Variants in PIK3C2G observed in about 807,000 individuals in gnomAD.
The protein encoded by PIK3C2G is phosphatidylinositol 3-kinase C2 domain-containing subunit gamma.
PIK3C2G carries 168 observed loss-of-function variants against 181.1 expected under a neutral mutation model. The observed-to-expected ratio is 0.93, with a 90% CI of 0.82 to 1.05. The LOEUF (loss-of-function observed/expected upper bound fraction) is 1.05, where lower values mean the gene tolerates loss of function less well. Ranked by LOEUF, PIK3C2G falls within the 50% of genes least tolerant of loss-of-function variation. The probability of loss-of-function intolerance (pLI) is 0.00; values close to 1 mark genes in which losing one functional copy is unlikely to be tolerated. For synonymous variants in PIK3C2G, 573 were observed against 592.2 expected (o/e 0.97, Z 0.47); for missense variants, 1,869 against 1,732.8 (o/e 1.08, Z -1.40).
chr12:18,688,122 T>A, the PIK3C2G span: 1 of 1,611,712 alleles, frequency 6.2e-7, no homozygotes, highest in Non-Finnish European at 8.5e-7. Context: ...TGCTGCTTCA[T>A]TTGATCATTT....
In PIK3C2G at chr12:18,398,290, T is replaced by A. The variant is rs796821900; in HGVS notation, c.2127-1369T>A. 7.2e-5 allele frequency among the ~76,000 whole-genome samples: 11 copies of A among 152,244 alleles called. No individual in the cohort carries two copies. In the East Asian group the frequency reaches 9.6e-4, roughly 13 times the overall value. ...CATTGTTCAGTATTGGGGAAAAAAA[T>A]TTAATCTGAGCAAATATGTTTTAGT... On this transcript the variant is annotated intron_variant, in intron 15 of 32. Coordinates refer to ENST00000538779, the MANE Select transcript of PIK3C2G (RefSeq NM_001288772.2).
At chr12:18,723,179 AT>A in the PIK3C2G span, 1 of 738,614 alleles carries the variant, frequency 1.4e-6, no homozygotes, top group Admixed American at 2.6e-5. Flanking sequence ...TCTCAAAGAT[AT>A]TTGACCCATC....
intron 31 of PIK3C2G, among the ~76,000 whole-genome samples, chr12:18,623,378 T>A (rs770819456): frequency 2.6e-5 from 4 of 151,864 alleles, no homozygotes; most frequent in Non-Finnish European, 4.4e-5. Flanking sequence ...GGCTCTCTAA[T>A]CTGTTCCATT....
At chr12:18,389,362 A>G (rs940728366) in intron 14 of PIK3C2G, among the ~76,000 whole-genome samples, 1 of 151,980 alleles carries the variant, frequency 6.6e-6, no homozygotes, top group Non-Finnish European at 1.5e-5. Context: ...CAAAAAAAAA[A>G]AAAAGAAATT....
At chr12:18,381,609 C>G (rs1226563360) in intron 13 of PIK3C2G, among the ~76,000 whole-genome samples, 157 bp from the exon 14 acceptor site, 1 of 152,194 alleles carries the variant, frequency 6.6e-6, no homozygotes, top group African/African-American at 2.4e-5. Flanking sequence ...TAATCAGTGT[C>G]TAGGCTGGTG....
chr12:18,429,186 G>A (rs1946011046), intron 18 of PIK3C2G, among the ~76,000 whole-genome samples: 1 of 152,084 alleles, frequency 6.6e-6, no homozygotes, highest in African/African-American at 2.4e-5. Flanking sequence ...ACAGAGAGAA[G>A]GTCATGAAAA....
chr12:18,626,020 G>A (rs1949081798), intron 31 of PIK3C2G, among the ~76,000 whole-genome samples: 1 of 151,762 alleles, frequency 6.6e-6, no homozygotes, highest in African/African-American at 2.4e-5. Context: ...TACATTCAAA[G>A]TAAGTATTGA....
chr12:18,615,728 A>G (rs934691854), intron 31 of PIK3C2G, among the ~76,000 whole-genome samples: 5 of 151,946 alleles, frequency 3.3e-5, no homozygotes, highest in African/African-American at 1.2e-4. Flanking sequence ...AATCCTATTC[A>G]ACAGTCTCCA....
chr12:18,701,279 T>A, the PIK3C2G span, among the ~76,000 whole-genome samples: 1 of 152,012 alleles, frequency 6.6e-6, no homozygotes, highest in East Asian at 1.9e-4. Flanking sequence ...GCCACCGTGC[T>A]CAGCCTAGAG....
At chr12:18,713,653 T>G in the PIK3C2G span, 1 of 152,240 alleles carries the variant, frequency 6.6e-6, no homozygotes. Context: ...AAAATCAAGG[T>G]TTATGCAAAG....
chr12:18,329,930 C>T (rs1937750002), intron 8 of PIK3C2G, among the ~76,000 whole-genome samples: 1 of 152,080 alleles, frequency 6.6e-6, no homozygotes, highest in South Asian at 2.1e-4. Flanking sequence ...TCATACTAAA[C>T]TCATAAATTT....
At chr12:18,424,077 T>C (rs1397532179) in intron 18 of PIK3C2G, 38 bp downstream of exon 18, 9 of 1,217,992 alleles carry the variant, frequency 7.4e-6, no homozygotes, top group Non-Finnish European at 1.2e-6. Context: ...GCCTTTTTAA[T>C]TGCCACCTTC....
chr12:18,724,801 T>C, the PIK3C2G span, among the ~76,000 whole-genome samples: 1 of 152,090 alleles, frequency 6.6e-6, no homozygotes, highest in Non-Finnish European at 1.5e-5. Flanking sequence ...CAATAAAAAT[T>C]TAAAATGTGC....
the PIK3C2G span, among the ~76,000 whole-genome samples, chr12:18,706,024 C>T: frequency 2.0e-5 from 3 of 151,884 alleles, no homozygotes; most frequent in Non-Finnish European, 4.4e-5. Flanking sequence ...GTCAGGAGTT[C>T]GAGACCAGGC....
At chr12:18,653,098 C>G (rs1950589318), downstream of PIK3C2G, among the ~76,000 whole-genome samples, 1 of 151,952 alleles carries the variant, frequency 6.6e-6, no homozygotes, top group Admixed American at 6.6e-5. Context: ...AAAGCACAGG[C>G]TGGAAAAAAA....
At chr12:18,331,040 A>T (rs1937902431) in intron 8 of PIK3C2G, among the ~76,000 whole-genome samples, 1 of 152,186 alleles carries the variant, frequency 6.6e-6, no homozygotes, top group Non-Finnish European at 1.5e-5. Context: ...TAGTTCTATG[A>T]TCCATTTCAA....
chr12:18,664,407 T>C, the PIK3C2G span, among the ~76,000 whole-genome samples: 12 of 152,148 alleles, frequency 7.9e-5, no homozygotes, highest in African/African-American at 2.7e-4. Flanking sequence ...GAAACTGTAG[T>C]TTATACATAC....
rs75244539 is a variant in PIK3C2G, at chr12:18,420,863, T to G, written c.2316-78T>G. On this transcript the variant is annotated intron_variant, in intron 16 of 32. Transcript: ENST00000538779. ...CCTTATGCACTGGGGGTAGAATTCA[T>G]TCTCTGTTCTCCCTGACATGTCTTA... 4.1e-4 allele frequency: 318 copies of G among 769,996 alleles called. 2 individuals carry two copies. The African/African-American group carries it at 4.8e-3, about 12-fold the overall frequency. 47.7% of individuals were successfully genotyped at this position (769,996 alleles called of 1,614,324 possible).
intron 18 of PIK3C2G, among the ~76,000 whole-genome samples, chr12:18,476,020 G>A (rs1242180428): frequency 1.3e-5 from 2 of 151,934 alleles, no homozygotes; most frequent in African/African-American, 2.4e-5. Context: ...GTTCTGTCCC[G>A]AAAGAATTTA....
Sources: gnomAD v4.1 joint callset for allele counts (sites outside exome capture counted in the v4.1 genomes callset) on GRCh38, gnomAD v4.1.1 for gene constraint, MANE v1.5 for transcripts, NCBI Gene and HGNC (gene_info 2026-07-23, HGNC 2026-07-21) for gene names.